The following ATP6V1A variants were observed in gnomAD, a reference collection of about 807,000 sequenced individuals.
ATP6V1A encodes ATPase H+ transporting V1 subunit A.
In ATP6V1A, 18 loss-of-function variants were observed where a neutral mutation model predicts 70.1. The observed-to-expected ratio is 0.26, with a 90% CI of 0.18 to 0.38. The LOEUF (loss-of-function observed/expected upper bound fraction) is 0.38. Among genes scored for constraint, ATP6V1A ranks in the 10% least tolerant of loss-of-function variants. The pLI is 1.00. For missense variants in ATP6V1A, 424 were observed against 772.4 expected, an observed-to-expected ratio of 0.55 and a Z score of 5.35; for synonymous variants, 232 against 253.8, an observed-to-expected ratio of 0.91 and a Z score of 0.82.
At chr3:113,754,304 G>A (rs1037665247) in intron 1 of ATP6V1A, among the ~76,000 whole-genome samples, 1 of 152,092 alleles carries the variant, frequency 6.6e-6, no homozygotes, top group African/African-American at 2.4e-5. Flanking sequence ...CAGGTAGATC[G>A]CTTGAGCCCG....
In ATP6V1A at chr3:113,809,859, T is replaced by C. The variant is rs1458050979; in HGVS notation, c.*432T>C. On this transcript the variant is annotated 3_prime_UTR_variant, in exon 15 of 15. Transcript: ENST00000273398. ...GTACTTTGTGAAATGACTCAATTTC[T>C]ATTGTGGTAAGCTCATTGGCAGCTT... is the stretch of plus-strand genomic sequence containing the variant. 1 of 152,878 alleles carries C rather than the reference T, an allele frequency of 6.5e-6. No homozygotes were observed. Among genetic ancestry groups the C allele is most frequent in the Non-Finnish European group, 1.5e-5 (1 of 68,510 alleles). 9.5% of individuals were successfully genotyped at this position (152,878 alleles called of 1,614,324 possible). A position where few individuals can be genotyped will look rare whatever the true frequency, so the allele number is the denominator to read the frequency against.
intron 11 of ATP6V1A, among the ~76,000 whole-genome samples, chr3:113,798,003 C>A (rs1709171859): frequency 6.6e-6 from 1 of 151,978 alleles, no homozygotes; most frequent in African/African-American, 2.4e-5. Context: ...CCTGATGGCG[C>A]ATGCTTGTAA....
At chr3:113,767,862 A>T (rs556392928) in intron 1 of ATP6V1A, among the ~76,000 whole-genome samples, 1 of 152,174 alleles carries the variant, frequency 6.6e-6, no homozygotes, top group African/African-American at 2.4e-5. Context: ...CATCTTGGCC[A>T]GGCAAGTCTT....
chr3:113,769,437 T>C lies in ATP6V1A; in HGVS notation c.-13-9304T>C, dbSNP rs190269095. Among the ~76,000 whole-genome samples, 432 of 152,354 alleles carry C rather than the reference T, an allele frequency of 2.8e-3. 3 individuals are homozygous for C. Among genetic ancestry groups the C allele is most frequent in the African/African-American group, 0.01 (417 of 41,584 alleles). Reference sequence around the variant, plus strand: ...AATGTATTTTTTCATTACACTCTAATGTAACAAGTGTTACATCAAAATAAT... The same window carrying C: ...AATGTATTTTTTCATTACACTCTAACGTAACAAGTGTTACATCAAAATAAT... On this transcript the variant is annotated intron_variant, in intron 1 of 14. Coordinates refer to ENST00000273398, the MANE Select transcript of ATP6V1A (RefSeq NM_001690.4).
intron 1 of ATP6V1A, among the ~76,000 whole-genome samples, chr3:113,750,949 A>T (rs1369581015): frequency 3.9e-5 from 6 of 152,206 alleles, no homozygotes; most frequent in Non-Finnish European, 5.9e-5. Context: ...TATTAATTTT[A>T]TCTGAAAAAT....
chr3:113,790,523 A>G lies in ATP6V1A; in HGVS notation c.988+683A>G, dbSNP rs182399529. ...TTAATATATTTTGTCTGGGGATATA[A>G]AAGATAAGACAATTCATGTGTTAAT... On this transcript the variant is annotated intron_variant, in intron 8 of 14. Transcript: ENST00000273398. 2.1e-3 allele frequency among the ~76,000 whole-genome samples: 319 copies of G among 152,260 alleles called. 2 individuals are homozygous for G. The highest frequency in any genetic ancestry group is 3.9e-3 in the South Asian group (19 of 4,826).
At chr3:113,798,006 G>T (rs968425950) in intron 11 of ATP6V1A, among the ~76,000 whole-genome samples, 5 of 152,072 alleles carry the variant, frequency 3.3e-5, no homozygotes, top group African/African-American at 9.7e-5. Context: ...GATGGCGCAT[G>T]CTTGTAATCC....
In ATP6V1A at chr3:113,795,959, AGTC is replaced by A; in HGVS notation, c.1290+21_1290+23del. ...GTTCAGGTATGTCTTTCCCTAGTAT[AGTC>A]AACTTCTGAGCCTTTCCTCCTCTCT... is the stretch of plus-strand genomic sequence containing the variant. On this transcript the variant is annotated intron_variant, in intron 11 of 14. Transcript: ENST00000273398. The A allele has an allele frequency of 6.3e-7, 1 of 1,590,446 alleles. No individual in the cohort carries two copies. Among genetic ancestry groups the A allele is most frequent in the Non-Finnish European group, 8.6e-7 (1 of 1,167,950 alleles).
chr3:113,767,187 G>A lies in ATP6V1A; in HGVS notation c.-13-11554G>A, dbSNP rs138532372. On this transcript the variant is annotated intron_variant, in intron 1 of 14. Coordinates refer to ENST00000273398, the MANE Select transcript of ATP6V1A (RefSeq NM_001690.4). ...GCGCATTGCAACCTTAGCTTCCTGG[G>A]TTCAAGCAATTCTCCTGCCTCAGCG... 1.5e-4 allele frequency among the ~76,000 whole-genome samples: 22 copies of A among 151,218 alleles called. 1 individual carries two copies. In the South Asian group the frequency reaches 4.6e-3, roughly 32 times the overall value.
At chr3:113,772,660 G>A (rs575360055) in intron 1 of ATP6V1A, among the ~76,000 whole-genome samples, 3 of 151,266 alleles carry the variant, frequency 2.0e-5, no homozygotes, top group South Asian at 2.1e-4. Context: ...CCTGGGAGGC[G>A]GAGCTTGCAG....
chr3:113,778,750 CAT>C lies in ATP6V1A; in HGVS notation c.-3_-2del. On this transcript the variant is annotated 5_prime_UTR_variant, in exon 2 of 15. Coordinates refer to ENST00000273398, the MANE Select transcript of ATP6V1A (RefSeq NM_001690.4). Reference sequence around the variant, plus strand: ...TATTTATTTACTATAGGTAAACTAACATTATGGATTTTTCCAAGCTACCCAAA... The same window carrying C: ...TATTTATTTACTATAGGTAAACTAACTATGGATTTTTCCAAGCTACCCAAA... 6.4e-7 allele frequency: 1 copy of C among 1,573,074 alleles called. No individual in the cohort carries two copies. Among genetic ancestry groups the C allele is most frequent in the Non-Finnish European group, 8.6e-7 (1 of 1,159,358 alleles).
rs1028142685 is a variant in ATP6V1A, at chr3:113,762,339, C to A, written c.-14+15226C>A. Among the ~76,000 whole-genome samples the A allele has an allele frequency of 7.2e-5, 11 of 151,782 alleles. No individual in the cohort carries two copies. The East Asian group carries it at 2.1e-3, about 29-fold the overall frequency. On this transcript the variant is annotated intron_variant, in intron 1 of 14. Coordinates refer to ENST00000273398, the MANE Select transcript of ATP6V1A (RefSeq NM_001690.4). ...ATCCCAGCACTTTGGGAGGCCAAAGCGGGCGGATCACCTGAGGTCAGGAGT... is the reference window on the plus strand; with the variant it reads ...ATCCCAGCACTTTGGGAGGCCAAAGAGGGCGGATCACCTGAGGTCAGGAGT...
chr3:113,767,828 T>A (rs905103230), intron 1 of ATP6V1A, among the ~76,000 whole-genome samples: 8 of 152,140 alleles, frequency 5.3e-5, no homozygotes, highest in Admixed American at 1.3e-4. Context: ...TGTTTTTGTA[T>A]TTTTAGTAGA....
intron 1 of ATP6V1A, among the ~76,000 whole-genome samples, chr3:113,756,226 A>G (rs1284521086): frequency 6.6e-6 from 1 of 152,190 alleles, no homozygotes; most frequent in East Asian, 1.9e-4. Flanking sequence ...AATACCGCTA[A>G]ACATGTAGCC....
chr3:113,776,425 A>G (rs558512529), intron 1 of ATP6V1A, among the ~76,000 whole-genome samples: 69 of 152,270 alleles, frequency 4.5e-4, no homozygotes, highest in African/African-American at 1.6e-3. Context: ...TTTCATCCAC[A>G]TTGGTGTACA....
At chr3:113,793,304 C>T (rs1337013601) in intron 8 of ATP6V1A, among the ~76,000 whole-genome samples, 2 of 152,188 alleles carry the variant, frequency 1.3e-5, no homozygotes, top group Non-Finnish European at 2.9e-5. Flanking sequence ...CTCGGGGGAT[C>T]TGCCCACCTT....
chr3:113,809,526 G>A lies in ATP6V1A; in HGVS notation c.*99G>A. The stretch of plus-strand genomic sequence containing the variant: ...ATCTCAAACCCTTTGCTTCTTTATT[G>A]TGCAGCTTTGAGACTAGTGCCTATG... On this transcript the variant is annotated 3_prime_UTR_variant, in exon 15 of 15. Coordinates refer to ENST00000273398, the MANE Select transcript of ATP6V1A (RefSeq NM_001690.4). 1.8e-6 allele frequency: 2 copies of A among 1,108,334 alleles called. No homozygotes were observed. The highest frequency in any genetic ancestry group is 1.4e-5 in the South Asian group (1 of 69,632). The allele number at this position is 1,108,334 out of a possible 1,614,324, so 68.7% of individuals were successfully genotyped here.
intron 1 of ATP6V1A, among the ~76,000 whole-genome samples, chr3:113,761,094 TTTC>T (rs1000410539): frequency 9.9e-5 from 15 of 151,938 alleles, no homozygotes; most frequent in African/African-American, 3.6e-4. Flanking sequence ...CATATTTTCT[TTTC>T]TTTTCTTTTT....
chr3:113,753,038 G>A (rs1220035237), intron 1 of ATP6V1A, among the ~76,000 whole-genome samples: 2 of 152,004 alleles, frequency 1.3e-5, no homozygotes, highest in Non-Finnish European at 2.9e-5. Flanking sequence ...AAAAATAAAG[G>A]ACCAAAGACA....
Sources: gnomAD v4.1 joint callset for allele counts (sites outside exome capture counted in the v4.1 genomes callset) on GRCh38, gnomAD v4.1.1 for gene constraint, MANE v1.5 for transcripts, NCBI Gene and HGNC (gene_info 2026-07-23, HGNC 2026-07-21) for gene names.